SLC4A4: variants seen among roughly 807,000 people sequenced by gnomAD.
SLC4A4 encodes the protein solute carrier family 4 member 4, also known as electrogenic sodium bicarbonate cotransporter 1.
Under a neutral mutation model 111.5 loss-of-function variants are expected in SLC4A4, and 27 were observed. The ratio of observed to expected loss-of-function variants is 0.24; its 90% confidence interval spans 0.18 to 0.33. SLC4A4 has a LOEUF of 0.33. Among genes scored for constraint, SLC4A4 ranks in the 10% least tolerant of loss-of-function variants. The pLI, the probability that SLC4A4 is intolerant of heterozygous loss-of-function variation, is 1.00. For missense variants in SLC4A4, 909 were observed against 1,315.5 expected, an observed-to-expected ratio of 0.69 and a Z score of 4.78; for synonymous variants, 443 against 463.4, an observed-to-expected ratio of 0.96 and a Z score of 0.57.
intron 7 of SLC4A4, among the ~76,000 whole-genome samples, chr4:71,423,468 C>T (rs1379584975): frequency 4.6e-5 from 7 of 152,182 alleles, no homozygotes; most frequent in Non-Finnish European, 8.8e-5. Context: ...TGACTTTCTT[C>T]ACAGAATTGA....
intron 2 of SLC4A4, among the ~76,000 whole-genome samples, chr4:71,168,757 T>C (rs1744853547): frequency 6.6e-6 from 1 of 152,110 alleles, no homozygotes; most frequent in South Asian, 2.1e-4. Context: ...TGACCTCCAG[T>C]TTCATCCATA....
chr4:71,486,832 TTG>T, intron 14 of SLC4A4, 114 bp from the exon 15 acceptor site: 1 of 613,100 alleles, frequency 1.6e-6, no homozygotes, highest in South Asian at 2.0e-5. Context: ...TGCCCTTATG[TTG>T]TTATTAAAGA....
chr4:71,163,772 T>A (rs1744666888), intron 2 of SLC4A4, among the ~76,000 whole-genome samples: 1 of 152,216 alleles, frequency 6.6e-6, no homozygotes, highest in Non-Finnish European at 1.5e-5. Flanking sequence ...CTCACAACAG[T>A]GGCAGAACTG....
Position 71,440,694 on chromosome 4 carries a change from G to C in SLC4A4, c.886G>C (p.Asp296His). The change falls in exon 8 of 26, where the codon GAT (aspartate) becomes CAT (histidine). Residue 296 changes from aspartate to histidine, a missense_variant. Asp to His is a moderately conservative substitution (Grantham distance 81, BLOSUM62 -1). Coordinates refer to ENST00000264485, the MANE Select transcript of SLC4A4 (RefSeq NM_001098484.3). ...GCTTGTTGGGGAGGTTGACTTTTTG[G>C]ATACTCCTTTCATTGCCTTTGTTAG... ...NVLVGEVDFL[D>H]TPFIAFVRLQ... The C allele has an allele frequency of 6.2e-7, 1 of 1,614,050 alleles. No homozygotes were observed. Among genetic ancestry groups the C allele is most frequent in the East Asian group, 2.2e-5 (1 of 44,864 alleles).
chr4:71,250,962 G>A (rs1272937112), intron 2 of SLC4A4, among the ~76,000 whole-genome samples: 1 of 152,170 alleles, frequency 6.6e-6, no homozygotes, highest in Non-Finnish European at 1.5e-5. Flanking sequence ...GATTGCATGA[G>A]GAGGTAGATA....
intron 6 of SLC4A4, among the ~76,000 whole-genome samples, chr4:71,370,895 C>T (rs912558189): frequency 1.3e-4 from 20 of 152,140 alleles, no homozygotes; most frequent in Non-Finnish European, 2.9e-4. Context: ...TGAGACCAAA[C>T]CCTGGACCAA....
At chr4:71,122,440 A>C (rs1415576022) in intron 2 of SLC4A4, among the ~76,000 whole-genome samples, 2 of 152,180 alleles carry the variant, frequency 1.3e-5, no homozygotes, top group Non-Finnish European at 2.9e-5. Context: ...TGGAATCAGA[A>C]AGAAGTTGAA....
intron 1 of SLC4A4, among the ~76,000 whole-genome samples, chr4:71,074,783 C>A (rs114585003): frequency 0.019 from 2,885 of 152,266 alleles, 88 homozygotes; most frequent in African/African-American, 0.066. Flanking sequence ...ATTCTGTCGG[C>A]AAATTGTCCT....
chr4:71,322,133 G>A (rs1727162259), intron 3 of SLC4A4, among the ~76,000 whole-genome samples: 2 of 151,876 alleles, frequency 1.3e-5, no homozygotes, highest in Admixed American at 6.6e-5. Context: ...TACATCTGTG[G>A]GGAATGTCAC....
rs867797799 is a variant in SLC4A4, at chr4:71,386,588, T to C, written c.731-10989T>C. Among the ~76,000 whole-genome samples, 25 of 151,988 alleles carry C rather than the reference T, an allele frequency of 1.6e-4. No homozygotes were observed. In the Middle Eastern group the frequency reaches 0.024, roughly 145 times the overall value. On this transcript the variant is annotated intron_variant, in intron 6 of 25. Transcript: ENST00000264485. ...ACAGTTTTATTGAGGTTTTTTCTTTTCTTTTTTTTGGCTGTATGTATAATC... is the reference window on the plus strand; with the variant it reads ...ACAGTTTTATTGAGGTTTTTTCTTTCCTTTTTTTTGGCTGTATGTATAATC...
intron 3 of SLC4A4, among the ~76,000 whole-genome samples, chr4:71,296,469 G>T (rs949571258): frequency 1.3e-5 from 2 of 152,058 alleles, no homozygotes; most frequent in African/African-American, 2.4e-5. Context: ...AAAGAAACGT[G>T]GAAAAATAGC....
At chr4:71,209,698 T>G (rs1221017456) in intron 1 of SLC4A4, among the ~76,000 whole-genome samples, 1 of 152,174 alleles carries the variant, frequency 6.6e-6, no homozygotes, top group Non-Finnish European at 1.5e-5. Flanking sequence ...TCCTTCCTGA[T>G]TATTGTGAGA....
intron 3 of SLC4A4, among the ~76,000 whole-genome samples, chr4:71,274,923 G>C (rs7654006): frequency 6.6e-6 from 1 of 152,036 alleles, no homozygotes; most frequent in Non-Finnish European, 1.5e-5. Flanking sequence ...AAAACAGAGA[G>C]GAAATAAATG....
At chr4:71,397,268 T>A (rs1203072449) in intron 6 of SLC4A4, among the ~76,000 whole-genome samples, 1 of 152,120 alleles carries the variant, frequency 6.6e-6, no homozygotes, top group Non-Finnish European at 1.5e-5. Context: ...TGACAAAGAG[T>A]GAACAAAACC....
chr4:71,461,407 C>T (rs1339306160), intron 12 of SLC4A4, among the ~76,000 whole-genome samples: 1 of 151,982 alleles, frequency 6.6e-6, no homozygotes, highest in African/African-American at 2.4e-5. Context: ...AATTATTAAT[C>T]CAAATAATAA....
intron 6 of SLC4A4, among the ~76,000 whole-genome samples, chr4:71,385,968 A>G (rs1284086141): frequency 6.6e-6 from 1 of 151,124 alleles, no homozygotes; most frequent in Non-Finnish European, 1.5e-5. Context: ...TCACACTGTC[A>G]GTAACTTTGT....
chr4:71,438,529 T>C (rs1288991769), intron 7 of SLC4A4, among the ~76,000 whole-genome samples: 1 of 152,218 alleles, frequency 6.6e-6, no homozygotes, highest in African/African-American at 2.4e-5. Flanking sequence ...CCAAGTCTTC[T>C]GATTTTTCCT....
intron 2 of SLC4A4, among the ~76,000 whole-genome samples, chr4:71,239,420 G>A (rs2149041055): frequency 6.6e-6 from 1 of 152,260 alleles, no homozygotes. Flanking sequence ...ATTGGAGTCA[G>A]CTCAACCTGA....
At chr4:71,552,204 T>C (rs963136348) in intron 20 of SLC4A4, among the ~76,000 whole-genome samples, 1 of 151,968 alleles carries the variant, frequency 6.6e-6, no homozygotes, top group African/African-American at 2.4e-5. Context: ...TCATACCCTC[T>C]TTTAAATGAG....
Sources: allele counts gnomAD v4.1 joint callset (sites outside exome capture counted in the v4.1 genomes callset), GRCh38; gene constraint gnomAD v4.1.1; transcripts MANE v1.5; gene names NCBI Gene and HGNC (gene_info 2026-07-23, HGNC 2026-07-21).